The following COL25A1 variants were observed in gnomAD, a reference collection of about 807,000 sequenced individuals.
COL25A1 encodes the protein collagen type XXV alpha 1 chain, also known as collagen alpha-1(XXV) chain.
Under a neutral mutation model 128.4 loss-of-function variants are expected in COL25A1, and 103 were observed. That is an observed-to-expected ratio of 0.80 (90% CI 0.68 to 0.94). The LOEUF (loss-of-function observed/expected upper bound fraction) is 0.94. Among genes scored for constraint, COL25A1 ranks in the 40% least tolerant of loss-of-function variants. COL25A1 has a pLI of 0.00. For synonymous variants in COL25A1, 279 were observed against 277.2 expected, an observed-to-expected ratio of 1.01 and a Z score of -0.06; for missense variants, 745 against 840.0, an observed-to-expected ratio of 0.89 and a Z score of 1.40.
intron 3 of COL25A1, among the ~76,000 whole-genome samples, chr4:109,118,439 T>C (rs916397495): frequency 6.6e-6 from 1 of 151,996 alleles, no homozygotes; most frequent in East Asian, 1.9e-4. Context: ...AACATATACA[T>C]GTAACACTAC....
intron 3 of COL25A1, among the ~76,000 whole-genome samples, chr4:109,069,602 G>A (rs1447799364): frequency 6.6e-6 from 1 of 152,224 alleles, no homozygotes; most frequent in African/African-American, 2.4e-5. Flanking sequence ...GTGTAAGTAT[G>A]CTGAAGTCAA....
intron 6 of COL25A1, among the ~76,000 whole-genome samples, chr4:108,987,211 C>A (rs533376260): frequency 6.6e-6 from 1 of 152,246 alleles, no homozygotes; most frequent in African/African-American, 2.4e-5. Context: ...CCCAATTCTC[C>A]ACAAGGAGCC....
intron 5 of COL25A1, among the ~76,000 whole-genome samples, chr4:109,027,346 G>A (rs1758393891): frequency 6.6e-6 from 1 of 152,138 alleles, no homozygotes; most frequent in African/African-American, 2.4e-5. Flanking sequence ...AGATGGAGGT[G>A]TGCTTAGCGT....
intron 3 of COL25A1, among the ~76,000 whole-genome samples, chr4:109,224,888 C>T (rs558242312): frequency 6.6e-6 from 1 of 152,076 alleles, no homozygotes; most frequent in South Asian, 2.1e-4. Context: ...TGCTGTGAGC[C>T]GAGATTGCGC....
chr4:108,854,490 G>T (rs916092246), intron 24 of COL25A1, among the ~76,000 whole-genome samples: 1 of 151,930 alleles, frequency 6.6e-6, no homozygotes, highest in Non-Finnish European at 1.5e-5. Context: ...CTAATATCCA[G>T]AATCTACAAA....
intron 5 of COL25A1, among the ~76,000 whole-genome samples, chr4:109,046,870 C>T (rs956625905): frequency 1.2e-4 from 19 of 152,188 alleles, no homozygotes; most frequent in African/African-American, 4.3e-4. Flanking sequence ...ATCTCAAGGC[C>T]AATGATCATT....
chr4:108,860,924 C>T lies in COL25A1; in HGVS notation c.1242+3G>A. ...AGTTTAGATGGATGAGAGGAACACT[C>T]ACCCTTGGTCCCTGAGCTCCAGAGT... On this transcript the variant is annotated splice_donor_region_variant and intron_variant, in intron 23 of 37. Transcript: ENST00000399132. 6.2e-7 allele frequency: 1 copy of T among 1,613,540 alleles called. No homozygotes were observed. The highest frequency in any genetic ancestry group is 8.5e-7 in the Non-Finnish European group (1 of 1,179,562).
At chr4:108,821,459 T>C (rs1044603706) in intron 35 of COL25A1, among the ~76,000 whole-genome samples, 1 of 152,204 alleles carries the variant, frequency 6.6e-6, no homozygotes, top group South Asian at 2.1e-4. Context: ...AAAACTGATG[T>C]AAACTCATTT....
At position 108,865,363 on chromosome 4, in the gene COL25A1, G is replaced by T. The variant is rs751098855; in HGVS notation, c.1084-1976C>A. On this transcript the variant is annotated intron_variant, in intron 20 of 37. Coordinates refer to ENST00000399132, the MANE Select transcript of COL25A1 (RefSeq NM_198721.4). ...GGGAAGCCTTTGTGGTTTTATAGGG[G>T]AGGTGGGATAGGTTAGTCAAGGGTT... is the stretch of plus-strand genomic sequence containing the variant. 9.9e-4 allele frequency among the ~76,000 whole-genome samples: 150 copies of T among 152,258 alleles called. 1 individual carries two copies. The highest frequency in any genetic ancestry group is 3.4e-3 in the Middle Eastern group (1 of 294).
chr4:109,099,268 AAGAAATG>A (rs1307539988), intron 3 of COL25A1, among the ~76,000 whole-genome samples: 3 of 151,224 alleles, frequency 2.0e-5, no homozygotes, highest in Middle Eastern at 6.8e-3. Flanking sequence ...AACAACAAAT[AAGAAATG>A]AGAAATCTAC....
At chr4:109,083,059 G>A (rs1763996830) in intron 3 of COL25A1, among the ~76,000 whole-genome samples, 1 of 152,112 alleles carries the variant, frequency 6.6e-6, no homozygotes, top group Non-Finnish European at 1.5e-5. Flanking sequence ...ACTTTGTAAA[G>A]GGCACAAGCA....
chr4:108,836,092 G>A (rs1039297606), intron 31 of COL25A1, among the ~76,000 whole-genome samples: 5 of 149,294 alleles, frequency 3.3e-5, no homozygotes, highest in Non-Finnish European at 7.4e-5. Flanking sequence ...GGATGGTCTT[G>A]ATCTCCTAAC....
intron 30 of COL25A1, among the ~76,000 whole-genome samples, chr4:108,844,142 G>C (rs1257071035): frequency 6.6e-6 from 1 of 152,144 alleles, no homozygotes; most frequent in Non-Finnish European, 1.5e-5. Context: ...GCCCACCTCG[G>C]CCTCCCAAAG....
chr4:109,231,569 A>C (rs1175855925), intron 3 of COL25A1, among the ~76,000 whole-genome samples: 1 of 152,204 alleles, frequency 6.6e-6, no homozygotes, highest in Admixed American at 6.6e-5. Flanking sequence ...GTGTGTGGTC[A>C]GGGATGAAAT....
intron 6 of COL25A1, among the ~76,000 whole-genome samples, chr4:108,993,852 C>A: frequency 9.0e-6 from 1 of 111,488 alleles, no homozygotes; most frequent in African/African-American, 3.1e-5. Context: ...AAGAGTGAAA[C>A]TCCATCTCAA....
chr4:109,281,034 CAAAG>C (rs1397833578), intron 3 of COL25A1, among the ~76,000 whole-genome samples: 4 of 151,940 alleles, frequency 2.6e-5, no homozygotes, highest in African/African-American at 9.7e-5. Flanking sequence ...TGTAGATAGA[CAAAG>C]GAAGCACATC....
Position 108,918,204 on chromosome 4 carries a change from C to T in COL25A1, c.748G>A (p.Ala250Thr). 1.3e-6 allele frequency: 2 copies of T among 1,598,532 alleles called. No homozygotes were observed. The highest frequency in any genetic ancestry group is 1.1e-5 in the South Asian group (1 of 88,298). The change falls in exon 13 of 38, where the codon GCA (alanine) becomes ACA (threonine). Residue 250 changes from alanine (A) to threonine (T), a missense_variant. Physicochemically the swap from Ala to Thr is moderately conservative, Grantham distance 58. Around this residue, in one of 3 missense-constraint regions of COL25A1, gnomAD observed 319 missense variants for 324.9 expected, o/e 0.98. Coordinates refer to ENST00000399132, the MANE Select transcript of COL25A1 (RefSeq NM_198721.4). The part of the protein sequence containing the change: ...GPPGQKGSIG[A>T]PGIPGMNGQK... ...CCATTCATCCCTGGAATTCCAGGTG[C>T]TCCAATAGAACCCTAAAGAGACACA...
At chr4:109,264,473 T>A (rs1201616881) in intron 3 of COL25A1, among the ~76,000 whole-genome samples, 2 of 151,372 alleles carry the variant, frequency 1.3e-5, no homozygotes, top group Admixed American at 1.3e-4. Flanking sequence ...ACTAAAGGAG[T>A]CACAGAAGGA....
At chr4:109,174,842 C>T (rs1773939288) in intron 3 of COL25A1, among the ~76,000 whole-genome samples, 1 of 152,202 alleles carries the variant, frequency 6.6e-6, no homozygotes, top group South Asian at 2.1e-4. Context: ...ACTACTGGTC[C>T]ATGGCCTGTT....
Sources: allele counts gnomAD v4.1 joint callset (sites outside exome capture counted in the v4.1 genomes callset), GRCh38; gene constraint gnomAD v4.1.1; regional missense constraint gnomAD v4.1.1; transcripts MANE v1.5; gene names NCBI Gene and HGNC (gene_info 2026-07-23, HGNC 2026-07-21).